CIT: variants seen among roughly 807,000 people sequenced by gnomAD.
CIT encodes citron rho-interacting serine/threonine kinase.
A neutral mutation model predicts 272.7 loss-of-function variants in CIT; 79 were observed. That is an observed-to-expected ratio of 0.29 (90% CI 0.24 to 0.35). The LOEUF (loss-of-function observed/expected upper bound fraction) is 0.35. Among genes scored for constraint, CIT ranks in the 10% least tolerant of loss-of-function variants. The probability of loss-of-function intolerance (pLI) is 1.00; values close to 1 mark genes in which losing one functional copy is unlikely to be tolerated. For missense variants in CIT, 1,909 were observed against 2,618.3 expected, an observed-to-expected ratio of 0.73 and a Z score of 5.91; for synonymous variants, 948 against 995.6, an observed-to-expected ratio of 0.95 and a Z score of 0.90.
At chr12:119,704,296 A>G in intron 41 of CIT, 67 bp downstream of exon 41, 3 of 1,475,740 alleles carry the variant, frequency 2.0e-6, no homozygotes, top group Non-Finnish European at 2.8e-6. Context: ...TGCACTTTCC[A>G]CACTGGCTCG....
chr12:119,786,357 A>T (rs1358398406), intron 10 of CIT, among the ~76,000 whole-genome samples: 7 of 152,184 alleles, frequency 4.6e-5, no homozygotes, highest in Non-Finnish European at 8.8e-5. Context: ...AAACTTACCC[A>T]CACTCATCTA....
intron 5 of CIT, among the ~76,000 whole-genome samples, chr12:119,842,791 G>A (rs150446669): frequency 1.3e-5 from 2 of 152,206 alleles, no homozygotes; most frequent in African/African-American, 4.8e-5. Flanking sequence ...TTACACACGT[G>A]AAAGAAAATA....
chr12:119,710,530 C>T lies in CIT; in HGVS notation c.4935+10G>A. On this transcript the variant is annotated intron_variant, in intron 38 of 47. Transcript: ENST00000392521. This position sits in a 1 kb window ranked among gnomAD's most constrained non-coding sequence, Gnocchi z 5.6. ...CAGACACCAGCTGGCCGTGCCCATG[C>T]AAGCATTACCTGGTCACTGAAGGGC... is the stretch of plus-strand genomic sequence containing the variant. 6.2e-7 allele frequency: 1 copy of T among 1,614,156 alleles called. No homozygotes were observed. Among genetic ancestry groups the T allele is most frequent in the Middle Eastern group, 1.6e-4 (1 of 6,062 alleles).
intron 40 of CIT, 82 bp downstream of exon 40, chr12:119,708,097 T>C: frequency 7.3e-7 from 1 of 1,373,552 alleles, no homozygotes; most frequent in African/African-American, 1.5e-5. Context: ...ATCTTGAAGG[T>C]CAAATCAACG....
intron 2 of CIT, among the ~76,000 whole-genome samples, chr12:119,872,261 G>A (rs1950702262): frequency 1.3e-5 from 2 of 151,708 alleles, no homozygotes; most frequent in Non-Finnish European, 2.9e-5. Context: ...ATAAAAAGTT[G>A]GAAAACCTGT....
At chr12:119,747,150 C>A (rs76199286) in intron 23 of CIT, among the ~76,000 whole-genome samples, 2,165 of 152,324 alleles carry the variant, frequency 0.014, 42 homozygotes, top group African/African-American at 0.049. Flanking sequence ...TGGCCAGGCA[C>A]AGTGGCTCAC....
intron 26 of CIT, among the ~76,000 whole-genome samples, chr12:119,731,813 AATATATATATAT>A (rs57327382): frequency 0.032 from 4,494 of 139,126 alleles, 117 homozygotes; most frequent in Non-Finnish European, 0.045. Flanking sequence ...TTCTCTCCTA[AATATATATATAT>A]ATATATATAT....
chr12:119,712,270 G>C lies in CIT; in HGVS notation c.4762C>G (p.Pro1588Ala). 1.9e-6 allele frequency: 3 copies of C among 1,614,200 alleles called. No individual in the cohort carries two copies. The highest frequency in any genetic ancestry group is 2.5e-6 in the Non-Finnish European group (3 of 1,180,018). ...CAGCGCTGTTTGTCAGGGAAGCTGG[G>C]AGCTAGCAAGTAGAGGGTTCTCCCG... Reference protein sequence around the residue: ...WPGRTLYLLAPSFPDKQRWVT... With the variant: ...WPGRTLYLLAASFPDKQRWVT... Residue 1588 changes from proline (P) to alanine (A), a missense_variant, in exon 37 of 48, where the codon CCC becomes GCC. Pro to Ala is a conservative substitution (Grantham distance 27, BLOSUM62 -1). Transcript: ENST00000392521. The surrounding 1 kb of genome is among the most constrained non-coding windows in gnomAD (Gnocchi z 5.2).
In CIT at chr12:119,712,840, A is replaced by C; in HGVS notation, c.4580-145T>G. On this transcript the variant is annotated intron_variant, in intron 35 of 47. Coordinates refer to ENST00000392521, the MANE Select transcript of CIT (RefSeq NM_001206999.2). This position sits in a 1 kb window ranked among gnomAD's most constrained non-coding sequence, Gnocchi z 5.2. The stretch of plus-strand genomic sequence containing the variant: ...GCGCACGAGAACAAGGAAGGGACAG[A>C]GGTGTGCAGAGAAGGCAGAGAGGGA... The C allele has an allele frequency of 6.2e-6, 4 of 649,118 alleles. No homozygotes were observed. Among genetic ancestry groups the C allele is most frequent in the Middle Eastern group, 2.7e-4 (1 of 3,666 alleles). 40.2% of individuals were successfully genotyped at this position (649,118 alleles called of 1,614,324 possible). A position where few individuals can be genotyped will look rare whatever the true frequency, so the allele number is the denominator to read the frequency against.
intron 9 of CIT, 73 bp downstream of exon 9, chr12:119,822,747 A>T: frequency 6.6e-7 from 1 of 1,521,822 alleles, no homozygotes; most frequent in Non-Finnish European, 9.0e-7. Flanking sequence ...TCTTTGGGCC[A>T]GAACAATCTC....
At chr12:119,745,380 A>AAAAAAAAAAAAAC (rs1959213958) in intron 23 of CIT, among the ~76,000 whole-genome samples, 1 of 136,898 alleles carries the variant, frequency 7.3e-6, no homozygotes, top group Non-Finnish European at 1.5e-5. Flanking sequence ...CAAGCAAAAA[A>AAAAAAAAAAAAAC]AAAAAAAAAA....
At chr12:119,708,613 G>T (rs996261991) in intron 39 of CIT, among the ~76,000 whole-genome samples, 15 of 151,928 alleles carry the variant, frequency 9.9e-5, no homozygotes, top group Admixed American at 1.3e-4. Context: ...AGCCTCCTGA[G>T]TAGCTGGGAT....
Position 119,712,486 on chromosome 12 carries a change from G to A in CIT, c.4684+105C>T. On this transcript the variant is annotated intron_variant, in intron 36 of 47. Coordinates refer to ENST00000392521, the MANE Select transcript of CIT (RefSeq NM_001206999.2). The surrounding 1 kb of genome is among the most constrained non-coding windows in gnomAD (Gnocchi z 5.2). The stretch of plus-strand genomic sequence containing the variant: ...CCAAGGCGGGGAGCGGAGGAAGATG[G>A]GCCTCCTTTGCAGAGCCAATCTTCC... The A allele has an allele frequency of 7.2e-7, 1 of 1,388,270 alleles. No homozygotes were observed. 86.0% of individuals were successfully genotyped at this position (1,388,270 alleles called of 1,614,324 possible).
chr12:119,784,351 GT>G lies in CIT; in HGVS notation c.1402-301del. 7.5e-7 allele frequency: 1 copy of G among 1,340,520 alleles called. No homozygotes were observed. Among genetic ancestry groups the G allele is most frequent in the Non-Finnish European group, 9.7e-7 (1 of 1,028,568 alleles). 83.0% of individuals were successfully genotyped at this position (1,340,520 alleles called of 1,614,324 possible). A position where few individuals can be genotyped will look rare whatever the true frequency, so the allele number is the denominator to read the frequency against. On this transcript the variant is annotated intron_variant, in intron 11 of 47. Coordinates refer to ENST00000392521, the MANE Select transcript of CIT (RefSeq NM_001206999.2). The surrounding 1 kb of genome is among the most constrained non-coding windows in gnomAD (Gnocchi z 4.7). The stretch of plus-strand genomic sequence containing the variant: ...TTTTCACCTGTTTGCTTTTGTTTTT[GT>G]TTTGTTTTTGCAGACGTCACTTTAA...
intron 19 of CIT, among the ~76,000 whole-genome samples, chr12:119,765,537 C>T (rs1962345996): frequency 7.1e-6 from 1 of 141,138 alleles, no homozygotes; most frequent in Non-Finnish European, 1.5e-5. Context: ...GTGGTGCAAT[C>T]TCGGCTCACT....
At chr12:119,849,648 C>A (rs1970065054) in intron 5 of CIT, among the ~76,000 whole-genome samples, 1 of 151,356 alleles carries the variant, frequency 6.6e-6, no homozygotes, top group Admixed American at 6.6e-5. Context: ...AAAGCCACAG[C>A]TACAATATCC....
chr12:119,700,800 G>A lies in CIT; in HGVS notation c.5568C>T (p.Tyr1856=), dbSNP rs373478755. 41 of 1,613,790 alleles carry A rather than the reference G, an allele frequency of 2.5e-5. No homozygotes were observed. The East Asian group carries it at 3.1e-4, about 12-fold the overall frequency. The change falls in exon 44 of 48, where the codon TAC becomes TAT. Residue 1856 remains tyrosine, a synonymous_variant. Transcript: ENST00000392521. Reference sequence around the variant, plus strand: ...GATCGTCTGTGCGGCTACGTCTTCCGTAAGAATCCACGAACACTCCAAATT... The same window carrying A: ...GATCGTCTGTGCGGCTACGTCTTCCATAAGAATCCACGAACACTCCAAATT... ...FHEFGVFVDS[Y]GRRSRTDDLK...
At position 119,712,655 on chromosome 12, in the gene CIT, G is replaced by C; in HGVS notation, c.4620C>G (p.Pro1540=). ...RPVEEFELCL[P]DGDVSIHGAV... ...CACCATGAATAGATACATCCCCGTCGGGAAGGCACAGCTCAAATTCTTCCA... is the reference window on the plus strand; with the variant it reads ...CACCATGAATAGATACATCCCCGTCCGGAAGGCACAGCTCAAATTCTTCCA... Residue 1540 remains proline, a synonymous_variant, in exon 36 of 48, where the codon CCC becomes CCG. Transcript: ENST00000392521. This position sits in a 1 kb window ranked among gnomAD's most constrained non-coding sequence, Gnocchi z 5.2. The C allele has an allele frequency of 6.2e-7, 1 of 1,614,136 alleles. No individual in the cohort carries two copies.
At position 119,713,398 on chromosome 12, in the gene CIT, C is replaced by A; in HGVS notation, c.4487+70G>T. ...CAGAGTTCCTAGAAAAGACACTTCC[C>A]TAGAAAACATCAGGGACAGAGTGGC... On this transcript the variant is annotated intron_variant, in intron 34 of 47. Coordinates refer to ENST00000392521, the MANE Select transcript of CIT (RefSeq NM_001206999.2). The surrounding 1 kb of genome is among the most constrained non-coding windows in gnomAD (Gnocchi z 5.2). 1 of 1,595,688 alleles carries A rather than the reference C, an allele frequency of 6.3e-7. No individual in the cohort carries two copies. The highest frequency in any genetic ancestry group is 8.6e-7 in the Non-Finnish European group (1 of 1,167,404).
Sources: gnomAD v4.1 joint callset for allele counts (sites outside exome capture counted in the v4.1 genomes callset) on GRCh38, gnomAD v4.1.1 for gene constraint, Gnocchi (gnomAD v3.1) non-coding constraint, MANE v1.5 for transcripts, NCBI Gene and HGNC (gene_info 2026-07-23, HGNC 2026-07-21) for gene names.